PPP2R2B: variants seen among roughly 807,000 people sequenced by gnomAD.
PPP2R2B encodes the protein serine/threonine-protein phosphatase 2A 55 kDa regulatory subunit B beta isoform.
In PPP2R2B, 5 loss-of-function variants were observed where a neutral mutation model predicts 46.0. The ratio of observed to expected loss-of-function variants is 0.11; its 90% CI spans 0.06 to 0.23. PPP2R2B has a LOEUF of 0.23. Among genes scored for constraint, PPP2R2B ranks in the 10% least tolerant of loss-of-function variants. PPP2R2B has a pLI of 1.00. For synonymous variants in PPP2R2B, 215 were observed against 206.7 expected, an observed-to-expected ratio of 1.04 and a Z score of -0.34; for missense variants, 367 against 575.0, an observed-to-expected ratio of 0.64 and a Z score of 3.70.
intron 1 of PPP2R2B, among the ~76,000 whole-genome samples, chr5:146,983,911 G>A (rs908731442): frequency 1.3e-5 from 2 of 151,444 alleles, no homozygotes; most frequent in African/African-American, 4.8e-5. Flanking sequence ...TCCAACATCT[G>A]AAAATGTCTT....
At chr5:146,770,700 A>G (rs781097431) in intron 2 of PPP2R2B, among the ~76,000 whole-genome samples, 7 of 152,144 alleles carry the variant, frequency 4.6e-5, no homozygotes, top group Non-Finnish European at 8.8e-5. Context: ...GTGGGTTGGG[A>G]GGTATCATCA....
chr5:146,906,840 A>G (rs1156994778), intron 1 of PPP2R2B, among the ~76,000 whole-genome samples: 1 of 152,236 alleles, frequency 6.6e-6, no homozygotes, highest in East Asian at 1.9e-4. Flanking sequence ...TGCCCTTGTC[A>G]AAACATATTG....
chr5:146,631,561 C>A (rs1026325766), intron 7 of PPP2R2B, among the ~76,000 whole-genome samples: 8 of 152,214 alleles, frequency 5.3e-5, no homozygotes, highest in Admixed American at 1.3e-4. Flanking sequence ...ATTTCACCTG[C>A]TGCTTTTATG....
At chr5:146,624,614 G>A (rs1773917415) in intron 7 of PPP2R2B, among the ~76,000 whole-genome samples, 3 of 152,232 alleles carry the variant, frequency 2.0e-5, no homozygotes, top group African/African-American at 7.2e-5. Flanking sequence ...GCCACAGAGT[G>A]ACATATTAAA....
At chr5:146,704,707 G>C (rs962828342) in intron 2 of PPP2R2B, among the ~76,000 whole-genome samples, 1 of 152,090 alleles carries the variant, frequency 6.6e-6, no homozygotes, top group Non-Finnish European at 1.5e-5. Flanking sequence ...TAGCTCAATA[G>C]GCACTATTAA....
intron 2 of PPP2R2B, among the ~76,000 whole-genome samples, chr5:146,807,723 C>T (rs2151313725): frequency 6.8e-6 from 1 of 147,120 alleles, no homozygotes; most frequent in East Asian, 2.1e-4. Context: ...ATGTGCTTAA[C>T]CACCAGGGAT....
intron 2 of PPP2R2B, among the ~76,000 whole-genome samples, chr5:146,825,251 G>A (rs1320721895): frequency 1.3e-5 from 2 of 152,144 alleles, no homozygotes; most frequent in African/African-American, 4.8e-5. Context: ...ATGGTGCTGG[G>A]AAAGCAGCTG....
At chr5:146,845,315 T>TTTTTTTTTTTTTTG (rs1759924138) in intron 2 of PPP2R2B, among the ~76,000 whole-genome samples, 1 of 125,506 alleles carries the variant, frequency 8.0e-6, no homozygotes. Flanking sequence ...CTTTTTTTTG[T>TTTTTTTTTTTTTTG]TTTTTTTTGA....
At chr5:146,870,576 G>A (rs1334067192) in intron 2 of PPP2R2B, among the ~76,000 whole-genome samples, 1 of 152,172 alleles carries the variant, frequency 6.6e-6, no homozygotes, top group East Asian at 1.9e-4. Context: ...AGGCAACCCA[G>A]TATGTGGCGT....
intron 2 of PPP2R2B, among the ~76,000 whole-genome samples, chr5:146,769,528 A>C (rs749009591): frequency 3.9e-5 from 6 of 152,228 alleles, no homozygotes; most frequent in Non-Finnish European, 5.9e-5. Flanking sequence ...AGGATCAGCA[A>C]TCATTGTTGA....
In PPP2R2B at chr5:147,053,545, A is replaced by AAC. The variant is rs5872002; in HGVS notation, c.79+2118_79+2119dup. On this transcript the variant is annotated intron_variant, in intron 1 of 8. Coordinates refer to the PPP2R2B transcript ENST00000336640. ...GGGTGACACGATTGCCAACAATATA[A>AAC]ACACACACACACACACACACACACA... Among the ~76,000 whole-genome samples, 463 of 148,640 alleles carry AAC rather than the reference A, an allele frequency of 3.1e-3. 3 individuals carry two copies. The highest frequency in any genetic ancestry group is 9.7e-3 in the African/African-American group (392 of 40,584).
chr5:147,030,377 C>T (rs1039078966), intron 1 of PPP2R2B, among the ~76,000 whole-genome samples: 9 of 152,006 alleles, frequency 5.9e-5, no homozygotes, highest in African/African-American at 2.2e-4. Context: ...TAATAGTTTG[C>T]CTATAAGTAC....
intron 7 of PPP2R2B, among the ~76,000 whole-genome samples, chr5:146,604,908 C>A (rs530788156): frequency 1.2e-4 from 18 of 152,278 alleles, no homozygotes; most frequent in Admixed American, 1.2e-3. Flanking sequence ...GGATTCCTCA[C>A]ATTCTAGATA....
intron 3 of PPP2R2B, among the ~76,000 whole-genome samples, chr5:146,699,591 A>C (rs1053466953): frequency 6.6e-6 from 1 of 151,504 alleles, no homozygotes; most frequent in Admixed American, 6.6e-5. Flanking sequence ...TACTGGCAAC[A>C]TGCTGCCTTG....
chr5:146,912,718 A>T (rs1763236177), intron 1 of PPP2R2B, among the ~76,000 whole-genome samples: 1 of 151,948 alleles, frequency 6.6e-6, no homozygotes, highest in Non-Finnish European at 1.5e-5. Context: ...AATATTGGTC[A>T]GGCTGGTCTT....
chr5:146,921,357 T>A (rs1763601175), intron 1 of PPP2R2B, among the ~76,000 whole-genome samples: 1 of 152,130 alleles, frequency 6.6e-6, no homozygotes, highest in Non-Finnish European at 1.5e-5. Flanking sequence ...AACTAAACCA[T>A]GAATCAAGCA....
chr5:146,741,035 CAA>C lies in PPP2R2B; in HGVS notation c.71-39895_71-39894del, dbSNP rs34289574. 4.5e-3 allele frequency among the ~76,000 whole-genome samples: 635 copies of C among 142,550 alleles called. 9 individuals are homozygous for C. The East Asian group carries it at 0.055, about 12-fold the overall frequency. 93.5% of individuals were successfully genotyped at this position (142,550 alleles called of 152,430 possible). A position where few individuals can be genotyped will look rare whatever the true frequency, so the allele number is the denominator to read the frequency against. Reference sequence around the variant, plus strand: ...CAAGCGACAGAGCAAGACTCCGTCTCAAAAAAAAAAAAAAATGCAGATTTTTG... The same window carrying C: ...CAAGCGACAGAGCAAGACTCCGTCTCAAAAAAAAAAAAATGCAGATTTTTG... On this transcript the variant is annotated intron_variant, in intron 2 of 9. Coordinates refer to ENST00000394411, the MANE Select transcript of PPP2R2B (RefSeq NM_181675.4).
chr5:146,976,126 A>G lies in PPP2R2B; in HGVS notation c.79+79539T>C, dbSNP rs3062380. ...TAAAAAATTTATTATTATTATTATT[A>G]TTATTATTATTATTATTATTATTAT... On this transcript the variant is annotated intron_variant, in intron 1 of 8. Coordinates refer to the PPP2R2B transcript ENST00000336640. Among the ~76,000 whole-genome samples, 129 of 56,348 alleles carry G rather than the reference A, an allele frequency of 2.3e-3. No homozygotes were observed. The Middle Eastern group carries it at 0.037, about 16-fold the overall frequency. The allele number at this position is 56,348 out of a possible 152,430, so 37.0% of individuals were successfully genotyped here. A position where few individuals can be genotyped will look rare whatever the true frequency, so the allele number is the denominator to read the frequency against.
chr5:146,935,291 A>G (rs376033425), intron 1 of PPP2R2B, among the ~76,000 whole-genome samples: 55 of 152,334 alleles, frequency 3.6e-4, no homozygotes, highest in African/African-American at 1.2e-3. Context: ...AGGTACAGCT[A>G]GAAGGCACTG....
Sources: allele counts gnomAD v4.1 joint callset (sites outside exome capture counted in the v4.1 genomes callset), GRCh38; gene constraint gnomAD v4.1.1; transcripts MANE v1.5; gene names NCBI Gene and HGNC (gene_info 2026-07-23, HGNC 2026-07-21).